CACNB2: variants seen among roughly 807,000 people sequenced by gnomAD.
CACNB2 encodes the protein voltage-dependent L-type calcium channel subunit beta-2.
A neutral mutation model predicts 73.3 loss-of-function variants in CACNB2; 42 were observed. That is an observed-to-expected ratio of 0.57 (90% CI 0.45 to 0.74). The LOEUF is 0.74. Among genes scored for constraint, CACNB2 ranks in the 30% least tolerant of loss-of-function variants. The pLI is 0.00. For missense variants in CACNB2, 940 were observed against 853.0 expected (o/e 1.10, Z -1.27); for synonymous variants, 348 against 310.3 (o/e 1.12, Z -1.28).
intron 2 of CACNB2, chr10:18,238,535 A>AAATCT (rs2036533319): frequency 6.6e-6 from 1 of 152,246 alleles, no homozygotes; most frequent in South Asian, 2.1e-4. Flanking sequence ...AAATAAGGAA[A>AAATCT]AATCTCAATC....
intron 1 of CACNB2, among the ~76,000 whole-genome samples, chr10:18,144,364 G>A (rs1346425138): frequency 3.9e-5 from 6 of 152,224 alleles, no homozygotes; most frequent in Non-Finnish European, 5.9e-5. Flanking sequence ...ACAGGCGTGC[G>A]CCACCATGCC....
At chr10:18,253,480 T>C (rs1564378744) in intron 2 of CACNB2, among the ~76,000 whole-genome samples, 1 of 152,188 alleles carries the variant, frequency 6.6e-6, no homozygotes, top group Admixed American at 6.5e-5. Flanking sequence ...TCAAAATTGC[T>C]GCTGGGAAAT....
At chr10:18,344,070 A>AG (rs1386723310) in intron 2 of CACNB2, among the ~76,000 whole-genome samples, 1 of 151,300 alleles carries the variant, frequency 6.6e-6, no homozygotes, top group African/African-American at 2.4e-5. Context: ...ATTTATCAAA[A>AG]AAAAAAAAAA....
chr10:18,502,821 G>A (rs1317857257), intron 5 of CACNB2, among the ~76,000 whole-genome samples: 17 of 151,820 alleles, frequency 1.1e-4, no homozygotes, highest in Admixed American at 1.1e-3. Flanking sequence ...TGGAGGATGG[G>A]AGGAGGGTGA....
chr10:18,298,410 C>T (rs2039368230), intron 2 of CACNB2, among the ~76,000 whole-genome samples: 1 of 151,828 alleles, frequency 6.6e-6, no homozygotes, highest in Non-Finnish European at 1.5e-5. Flanking sequence ...TATATCCAGA[C>T]TAAACAATGA....
intron 3 of CACNB2, among the ~76,000 whole-genome samples, chr10:18,436,971 AT>A (rs1326041382): frequency 6.6e-6 from 1 of 152,166 alleles, no homozygotes; most frequent in Non-Finnish European, 1.5e-5. Context: ...TTGAACAACA[AT>A]GTGCTGCTTG....
At chr10:18,470,816 A>G (rs544192929) in intron 3 of CACNB2, among the ~76,000 whole-genome samples, 83 of 152,320 alleles carry the variant, frequency 5.4e-4, no homozygotes, top group African/African-American at 2.0e-3. Context: ...TGTCAGCAGC[A>G]GAATTAAAAG....
chr10:18,211,138 G>T (rs1187930190), intron 2 of CACNB2, among the ~76,000 whole-genome samples: 2 of 152,154 alleles, frequency 1.3e-5, no homozygotes, highest in Admixed American at 1.3e-4. Flanking sequence ...GAGGCGGAGG[G>T]CTATGCAGTA....
Position 18,366,778 on chromosome 10 carries a change from C to G in CACNB2, c.214-35146C>G, listed in dbSNP as rs896041817. ...GCACACTCCAGCCTGGGCAACAAAG[C>G]GAGACTCCGTCTCAAAAAAAAAAAG... is the stretch of plus-strand genomic sequence containing the variant. On this transcript the variant is annotated intron_variant, in intron 2 of 13. Coordinates refer to ENST00000324631, the MANE Select transcript of CACNB2 (RefSeq NM_201596.3). Among the ~76,000 whole-genome samples, 5 of 147,206 alleles carry G rather than the reference C, an allele frequency of 3.4e-5. No individual in the cohort carries two copies. In the South Asian group the frequency reaches 1.1e-3, roughly 32 times the overall value.
chr10:18,317,296 T>C (rs962170546), intron 2 of CACNB2, among the ~76,000 whole-genome samples: 2 of 152,126 alleles, frequency 1.3e-5, no homozygotes, highest in Non-Finnish European at 2.9e-5. Context: ...ATTTGTTACA[T>C]GGGTATACTG....
intron 2 of CACNB2, chr10:18,238,419 T>C (rs2036529541): frequency 6.6e-6 from 1 of 152,204 alleles, no homozygotes; most frequent in Non-Finnish European, 1.5e-5. Context: ...CAATTCTTAT[T>C]TTCTTATCAG....
chr10:18,354,269 T>G (rs1399240451), intron 2 of CACNB2, among the ~76,000 whole-genome samples: 4 of 152,168 alleles, frequency 2.6e-5, no homozygotes, highest in Non-Finnish European at 5.9e-5. Flanking sequence ...TTAGCTCCTT[T>G]TTTTCCTCCT....
At chr10:18,349,774 A>G (rs1225834622) in intron 2 of CACNB2, among the ~76,000 whole-genome samples, 3 of 152,186 alleles carry the variant, frequency 2.0e-5, no homozygotes, top group African/African-American at 7.2e-5. Context: ...TGGCTACCCA[A>G]TAATGTGAAT....
At chr10:18,162,180 T>G (rs536075977) in intron 2 of CACNB2, among the ~76,000 whole-genome samples, 1 of 152,352 alleles carries the variant, frequency 6.6e-6, no homozygotes, top group East Asian at 1.9e-4. Context: ...AATTTTATAC[T>G]TCCATTTCTC....
At chr10:18,418,479 T>C (rs1057463845) in intron 3 of CACNB2, among the ~76,000 whole-genome samples, 3 of 152,258 alleles carry the variant, frequency 2.0e-5, no homozygotes, top group African/African-American at 7.2e-5. Flanking sequence ...TCCTTACTTC[T>C]ACATTTGAGT....
At chr10:18,259,109 A>G (rs2037412552) in intron 2 of CACNB2, among the ~76,000 whole-genome samples, 1 of 152,200 alleles carries the variant, frequency 6.6e-6, no homozygotes, top group Non-Finnish European at 1.5e-5. Context: ...TATAAGTTTC[A>G]GAGTTTAAAT....
At chr10:18,189,731 A>G (rs957613970) in intron 2 of CACNB2, among the ~76,000 whole-genome samples, 2 of 152,196 alleles carry the variant, frequency 1.3e-5, no homozygotes, top group Non-Finnish European at 2.9e-5. Context: ...ATTTTTCAGC[A>G]TTAACAGTGT....
At chr10:18,306,522 T>A (rs1272662155) in intron 2 of CACNB2, among the ~76,000 whole-genome samples, 2 of 151,964 alleles carry the variant, frequency 1.3e-5, no homozygotes, top group East Asian at 3.9e-4. Context: ...AAGAAGGCAA[T>A]GTGAGAGAGG....
At chr10:18,487,044 A>G (rs1209790703) in intron 3 of CACNB2, among the ~76,000 whole-genome samples, 1 of 152,288 alleles carries the variant, frequency 6.6e-6, no homozygotes, top group African/African-American at 2.4e-5. Flanking sequence ...GTTGAGCTTG[A>G]GAAGGCGCTG....
Sources: allele counts gnomAD v4.1 joint callset (sites outside exome capture counted in the v4.1 genomes callset), GRCh38; gene constraint gnomAD v4.1.1; transcripts MANE v1.5; gene names NCBI Gene and HGNC (gene_info 2026-07-23, HGNC 2026-07-21).